The following ADAMTSL1 variants were observed in gnomAD, a reference collection of about 807,000 sequenced individuals.
ADAMTSL1 encodes the protein ADAMTS-like protein 1.
A neutral mutation model predicts 201.8 loss-of-function variants in ADAMTSL1; 126 were observed. That is an observed-to-expected ratio of 0.62 (90% CI 0.54 to 0.72). The LOEUF (loss-of-function observed/expected upper bound fraction) is 0.72. Ranked by LOEUF, ADAMTSL1 falls within the 30% of genes least tolerant of loss-of-function variation. ADAMTSL1 has a pLI of 0.00. For missense variants in ADAMTSL1, 2,679 were observed against 2,277.8 expected (o/e 1.18, Z -3.59); for synonymous variants, 1,121 against 903.4 (o/e 1.24, Z -4.32).
rs775892652 is a variant in ADAMTSL1, at chr9:18,675,926, C to T, written c.1136+19C>T. On this transcript the variant is annotated intron_variant, in intron 10 of 28. Transcript: ENST00000380548. ...TTCCTCGGTACGTAAATCAATCATC[C>T]TGATGTTAGAATTAGCAAATTAGTC... The T allele has an allele frequency of 6.2e-7, 1 of 1,609,730 alleles. No individual in the cohort carries two copies. Among genetic ancestry groups the T allele is most frequent in the Non-Finnish European group, 8.5e-7 (1 of 1,176,350 alleles).
intron 1 of ADAMTSL1, among the ~76,000 whole-genome samples, chr9:18,022,779 A>G (rs1820532589): frequency 6.6e-6 from 1 of 152,180 alleles, no homozygotes; most frequent in Non-Finnish European, 1.5e-5. Context: ...GAACATGTAC[A>G]AGAATTCTGT....
At chr9:18,781,510 G>T (rs1268149118) in intron 19 of ADAMTSL1, among the ~76,000 whole-genome samples, 5 of 152,212 alleles carry the variant, frequency 3.3e-5, no homozygotes, top group African/African-American at 1.2e-4. Flanking sequence ...TTTAAGAAAA[G>T]AGTGAATGTA....
intron 2 of ADAMTSL1, among the ~76,000 whole-genome samples, chr9:18,416,335 C>A (rs1453606980): frequency 6.7e-6 from 1 of 148,864 alleles, no homozygotes; most frequent in African/African-American, 2.4e-5. Flanking sequence ...ACTAAACTAA[C>A]CCAAAAATTT....
chr9:18,372,993 G>C (rs1277077742), intron 2 of ADAMTSL1, among the ~76,000 whole-genome samples: 1 of 152,202 alleles, frequency 6.6e-6, no homozygotes, highest in Non-Finnish European at 1.5e-5. Context: ...TAAAGTGAGA[G>C]TGAGGCTGGT....
intron 26 of ADAMTSL1, among the ~76,000 whole-genome samples, chr9:18,904,633 C>CAAAAAAAAAAAAAAAA (rs71333072): frequency 6.7e-5 from 1 of 14,984 alleles, no homozygotes; most frequent in Non-Finnish European, 1.2e-4. Flanking sequence ...GACCCTGCCT[C>CAAAAAAAAAAAAAAAA]AAAAAAAAAA....
chr9:18,674,610 G>C (rs1830031340), intron 9 of ADAMTSL1, among the ~76,000 whole-genome samples: 1 of 151,824 alleles, frequency 6.6e-6, no homozygotes, highest in Admixed American at 6.6e-5. Flanking sequence ...TCTTATATCA[G>C]AGGAATGGGT....
In ADAMTSL1 at chr9:18,444,215, AAAG is replaced by A. The variant is rs1587234391; in HGVS notation, c.208-60611_208-60609del. Among the ~76,000 whole-genome samples the A allele has an allele frequency of 2.0e-5, 3 of 152,308 alleles. No individual in the cohort carries two copies. The East Asian group carries it at 5.8e-4, about 29-fold the overall frequency. On this transcript the variant is annotated intron_variant, in intron 2 of 29. Coordinates refer to the ADAMTSL1 transcript ENST00000680146. ...TTTTTAGTTTTTGCAGTGAATGAGA[AAAG>A]AAAAAATTATTGAGAAACTACTAAG...
At chr9:18,055,704 C>T (rs2131680542) in intron 1 of ADAMTSL1, among the ~76,000 whole-genome samples, 1 of 152,300 alleles carries the variant, frequency 6.6e-6, no homozygotes, top group South Asian at 2.1e-4. Context: ...TGCATAAAAT[C>T]ACTGGATCTG....
At chr9:18,190,877 T>C (rs1047958648) in intron 2 of ADAMTSL1, among the ~76,000 whole-genome samples, 4 of 152,152 alleles carry the variant, frequency 2.6e-5, no homozygotes, top group African/African-American at 9.6e-5. Flanking sequence ...GTCTTTGCCA[T>C]TCCAGAGAAG....
chr9:18,051,426 G>A (rs1401432437), intron 1 of ADAMTSL1, among the ~76,000 whole-genome samples: 1 of 152,134 alleles, frequency 6.6e-6, no homozygotes, highest in Non-Finnish European at 1.5e-5. Flanking sequence ...AGGAATACTT[G>A]GAATATTTGT....
intron 4 of ADAMTSL1, 46 bp downstream of exon 4, chr9:18,574,312 T>C (rs376480719): frequency 8.6e-6 from 13 of 1,509,312 alleles, no homozygotes; most frequent in Non-Finnish European, 1.1e-5. Flanking sequence ...AGGGTTTCAA[T>C]GTCTTTGTGT....
chr9:18,031,374 G>A (rs1820948265), intron 1 of ADAMTSL1, among the ~76,000 whole-genome samples: 1 of 151,982 alleles, frequency 6.6e-6, no homozygotes, highest in South Asian at 2.1e-4. Context: ...GTTGTGTATA[G>A]TTGATTGGCT....
intron 1 of ADAMTSL1, 33 bp downstream of exon 1, chr9:18,474,328 T>G: frequency 6.2e-7 from 1 of 1,607,678 alleles, no homozygotes; most frequent in Middle Eastern, 1.7e-4. Context: ...GCATTGCTAT[T>G]GCCATTGAGT....
chr9:18,711,975 C>A (rs1392105411), intron 14 of ADAMTSL1, among the ~76,000 whole-genome samples: 5 of 152,134 alleles, frequency 3.3e-5, no homozygotes, highest in Non-Finnish European at 4.4e-5. Flanking sequence ...AGGCACCCCC[C>A]AGCAGGGGCA....
chr9:17,938,575 C>G (rs1827106151), intron 1 of ADAMTSL1, among the ~76,000 whole-genome samples: 3 of 152,106 alleles, frequency 2.0e-5, no homozygotes, highest in African/African-American at 7.2e-5. Flanking sequence ...TTCCTGTGAA[C>G]TTTGACTTAA....
chr9:18,253,511 A>T, intron 2 of ADAMTSL1, among the ~76,000 whole-genome samples: 1 of 152,284 alleles, frequency 6.6e-6, no homozygotes, highest in Non-Finnish European at 1.5e-5. Flanking sequence ...ACTTTCCCCC[A>T]TTACTATAGG....
At chr9:18,055,548 C>G (rs1822144633) in intron 1 of ADAMTSL1, among the ~76,000 whole-genome samples, 1 of 152,214 alleles carries the variant, frequency 6.6e-6, no homozygotes, top group Non-Finnish European at 1.5e-5. Flanking sequence ...AATATATGTA[C>G]ATAGACCAAA....
intron 26 of ADAMTSL1, among the ~76,000 whole-genome samples, chr9:18,897,957 C>T (rs190660419): frequency 7.9e-5 from 12 of 151,146 alleles, no homozygotes; most frequent in Non-Finnish European, 1.2e-4. Context: ...GCAGGTGGAT[C>T]ACAAGGTCAG....
At chr9:18,100,099 A>G (rs1283746779) in intron 1 of ADAMTSL1, among the ~76,000 whole-genome samples, 2 of 151,818 alleles carry the variant, frequency 1.3e-5, no homozygotes, top group African/African-American at 2.4e-5. Flanking sequence ...CATTTTTCTT[A>G]ATATTGTTTA....
Sources: allele counts gnomAD v4.1 joint callset (sites outside exome capture counted in the v4.1 genomes callset), GRCh38; gene constraint gnomAD v4.1.1; transcripts MANE v1.5; gene names NCBI Gene and HGNC (gene_info 2026-07-23, HGNC 2026-07-21).